Variants in NAV1 observed in about 807,000 individuals in gnomAD.
NAV1 encodes the protein neuron navigator 1, also known as pore membrane and/or filament interacting like protein 3.
Under a neutral mutation model 175.2 loss-of-function variants are expected in NAV1, and 18 were observed. The observed-to-expected ratio is 0.10, with a 90% CI of 0.07 to 0.15. The LOEUF (loss-of-function observed/expected upper bound fraction) is 0.15, where lower values mean the gene tolerates loss of function less well. Ranked by LOEUF, NAV1 falls within the 10% of genes least tolerant of loss-of-function variation. NAV1 has a pLI of 1.00. For missense variants in NAV1, 1,731 were observed against 2,436.6 expected (o/e 0.71, Z 6.10); for synonymous variants, 897 against 978.7 (o/e 0.92, Z 1.56).
intron 1 of NAV1, among the ~76,000 whole-genome samples, chr1:201,544,952 ACAT>A (rs1665626404): frequency 1.3e-5 from 2 of 152,238 alleles, no homozygotes; most frequent in African/African-American, 4.8e-5. Flanking sequence ...CAAGGTTCAA[ACAT>A]TGACTTTGCA....
chr1:201,723,092 C>T (rs986567803), intron 3 of NAV1, among the ~76,000 whole-genome samples: 4 of 152,214 alleles, frequency 2.6e-5, no homozygotes, highest in Non-Finnish European at 4.4e-5. Context: ...GCCTGGGCGA[C>T]AGAGCGAGAC....
upstream of NAV1, among the ~76,000 whole-genome samples, chr1:201,618,154 A>G (rs1458311610): frequency 6.6e-6 from 1 of 151,616 alleles, no homozygotes; most frequent in Non-Finnish European, 1.5e-5. Context: ...CAGCCACCCC[A>G]CCCCTGCTGC....
intron 1 of NAV1, among the ~76,000 whole-genome samples, chr1:201,665,682 C>T (rs535389575): frequency 6.8e-6 from 1 of 146,302 alleles, no homozygotes; most frequent in South Asian, 2.1e-4. Flanking sequence ...GACCAGGGTG[C>T]TTCTTAGAAC....
intron 1 of NAV1, among the ~76,000 whole-genome samples, chr1:201,651,152 T>TGTG (rs1364001910): frequency 6.6e-6 from 1 of 151,450 alleles, no homozygotes; most frequent in East Asian, 1.9e-4. Flanking sequence ...TGTGTGTGTG[T>TGTG]GTGTGTGTCA....
At chr1:201,630,117 A>G (rs1315637380) in intron 2 of NAV1, among the ~76,000 whole-genome samples, 2 of 152,232 alleles carry the variant, frequency 1.3e-5, no homozygotes, top group Non-Finnish European at 2.9e-5. Context: ...TGAATGATGC[A>G]TGGATGAGTG....
At chr1:201,609,608 A>G (rs1043351869) in intron 2 of NAV1, among the ~76,000 whole-genome samples, 8 of 152,186 alleles carry the variant, frequency 5.3e-5, no homozygotes, top group African/African-American at 1.9e-4. Context: ...GAAAAATAAT[A>G]ATAAAGCAAG....
At chr1:201,760,878 A>G (rs772548321) in intron 3 of NAV1, among the ~76,000 whole-genome samples, 35 of 152,172 alleles carry the variant, frequency 2.3e-4, no homozygotes, top group Non-Finnish European at 7.3e-5. Flanking sequence ...GTAGTTCAGT[A>G]TAGTAGTGTG....
Position 201,782,131 on chromosome 1 carries a change from T to A in NAV1, c.1664-45T>A, listed in dbSNP as rs371328613. 466 of 1,500,956 alleles carry A rather than the reference T, an allele frequency of 3.1e-4. 3 individuals are homozygous for A. Among genetic ancestry groups the A allele is most frequent in the South Asian group, 3.1e-3 (232 of 75,622 alleles). 93.0% of individuals were successfully genotyped at this position (1,500,956 alleles called of 1,614,324 possible). ...GAAAGAAAAGGGTGGGTTTTTAAGA[T>A]ACTGGTCAGTTTCAGCTCTTTTCTC... On this transcript the variant is annotated intron_variant, in intron 5 of 29. Transcript: ENST00000367296. The surrounding 1 kb of genome is among the most constrained non-coding windows in gnomAD (Gnocchi z 5.4).
intron 1 of NAV1, among the ~76,000 whole-genome samples, chr1:201,580,805 A>G (rs516701): frequency 0.053 from 8,067 of 152,072 alleles, 506 homozygotes; most frequent in East Asian, 0.16. Context: ...GATATTCTGG[A>G]GGCTTAAAGG....
At chr1:201,552,349 C>T (rs1240516650) in intron 1 of NAV1, among the ~76,000 whole-genome samples, 1 of 151,012 alleles carries the variant, frequency 6.6e-6, no homozygotes, top group South Asian at 2.2e-4. Flanking sequence ...GGCAGGGTGG[C>T]GGGGTTGGGG....
chr1:201,606,002 A>G (rs994970511), intron 2 of NAV1, among the ~76,000 whole-genome samples: 7 of 152,150 alleles, frequency 4.6e-5, no homozygotes, highest in African/African-American at 1.7e-4. Context: ...AGTCCAGACC[A>G]TGTTAGATTT....
At chr1:201,803,456 T>C (rs1678067055) in intron 15 of NAV1, 137 bp from the exon 20 acceptor site, 1 of 846,790 alleles carries the variant, frequency 1.2e-6, no homozygotes, top group South Asian at 1.9e-5. Context: ...GCTGAATGAA[T>C]GATCCAAAAA....
chr1:201,693,063 G>A (rs941042834), intron 1 of NAV1, among the ~76,000 whole-genome samples: 4 of 152,330 alleles, frequency 2.6e-5, no homozygotes, highest in South Asian at 4.1e-4. Context: ...ACTGGGAGGC[G>A]GGACAAGTAT....
chr1:201,648,986 T>G, exon 1 of NAV1: 1 of 1,613,232 alleles, frequency 6.2e-7, no homozygotes, highest in Non-Finnish European at 8.5e-7. Flanking sequence ...AGCTGCAGCT[T>G]TATGAGCCCG....
At chr1:201,751,416 A>G (rs1245946398) in intron 3 of NAV1, among the ~76,000 whole-genome samples, 1 of 152,210 alleles carries the variant, frequency 6.6e-6, no homozygotes, top group Non-Finnish European at 1.5e-5. Flanking sequence ...TTCCAGCCTT[A>G]GTTTCCCCCC....
At chr1:201,804,599 A>G in intron 17 of NAV1, 102 bp downstream of exon 21, 1 of 1,012,972 alleles carries the variant, frequency 9.9e-7, no homozygotes, top group Non-Finnish European at 1.4e-6. Flanking sequence ...AAAAAAAAAA[A>G]AAATGAATGA....
At chr1:201,649,138 C>T in exon 1 of NAV1, 8 of 1,611,996 alleles carry the variant, frequency 5.0e-6, no homozygotes, top group Non-Finnish European at 6.8e-6. Context: ...GCGGGCGGCG[C>T]CAAGACCCCC....
chr1:201,689,876 T>C (rs1053189124), intron 1 of NAV1, among the ~76,000 whole-genome samples: 1 of 152,216 alleles, frequency 6.6e-6, no homozygotes, highest in African/African-American at 2.4e-5. Context: ...ATTTCCTCCA[T>C]GGCCTGTCTG....
intron 1 of NAV1, among the ~76,000 whole-genome samples, chr1:201,548,485 C>T (rs990701403): frequency 1.3e-5 from 2 of 152,146 alleles, no homozygotes; most frequent in Non-Finnish European, 2.9e-5. Flanking sequence ...TGATCCCAGC[C>T]AGGAGTTTGA....
Sources: gnomAD v4.1 joint callset for allele counts (sites outside exome capture counted in the v4.1 genomes callset) on GRCh38, gnomAD v4.1.1 for gene constraint, Gnocchi (gnomAD v3.1) non-coding constraint, MANE v1.5 for transcripts, NCBI Gene and HGNC (gene_info 2026-07-23, HGNC 2026-07-21) for gene names.